The following SMOC2 variants were observed in gnomAD, a reference collection of about 807,000 sequenced individuals.
The protein encoded by SMOC2 is SPARC-related modular calcium-binding protein 2.
A neutral mutation model predicts 61.4 loss-of-function variants in SMOC2; 39 were observed. That is an observed-to-expected ratio of 0.64 (90% confidence interval 0.49 to 0.83). The LOEUF is 0.83. Ranked by LOEUF, SMOC2 falls within the 40% of genes least tolerant of loss-of-function variation. SMOC2 has a pLI of 0.00. For missense variants in SMOC2, 556 were observed against 592.9 expected, an observed-to-expected ratio of 0.94 and a Z score of 0.65; for synonymous variants, 247 against 239.9, an observed-to-expected ratio of 1.03 and a Z score of -0.27.
chr6:168,518,344 G>A (rs1342469868), intron 2 of SMOC2, among the ~76,000 whole-genome samples: 3 of 151,092 alleles, frequency 2.0e-5, no homozygotes, highest in South Asian at 2.1e-4. Context: ...CCTGAGGTGT[G>A]TGTGCGTGAG....
intron 1 of SMOC2, among the ~76,000 whole-genome samples, chr6:168,448,474 G>C (rs1038097190): frequency 6.7e-6 from 1 of 149,700 alleles, no homozygotes; most frequent in Admixed American, 6.7e-5. Flanking sequence ...AGATGGCAAG[G>C]AAGATGGGGA....
chr6:168,595,385 C>G (rs1396051964), intron 7 of SMOC2, among the ~76,000 whole-genome samples: 2 of 152,186 alleles, frequency 1.3e-5, no homozygotes, highest in African/African-American at 2.4e-5. Context: ...TTCACCCCTC[C>G]TTGTTCCCTC....
At chr6:168,648,939 G>GTGTGGT in intron 9 of SMOC2, among the ~76,000 whole-genome samples, 1 of 152,264 alleles carries the variant, frequency 6.6e-6, no homozygotes, top group East Asian at 1.9e-4. Flanking sequence ...TCCACACCAC[G>GTGTGGT]GCCACATGGT....
At position 168,575,446 on chromosome 6, in the gene SMOC2, G is replaced by T. The variant is rs567514938; in HGVS notation, c.638-23372G>T. ...AGCGCTTTACTGTAGTGGGTGGGGA[G>T]CCCCTGTGAGCAGGGTGTGGGGACC... On this transcript the variant is annotated intron_variant, in intron 7 of 12. Coordinates refer to ENST00000356284, the MANE Select transcript of SMOC2 (RefSeq NM_001166412.2). Among the ~76,000 whole-genome samples, 4 of 152,270 alleles carry T rather than the reference G, an allele frequency of 2.6e-5. No individual in the cohort carries two copies. The East Asian group carries it at 7.7e-4, about 29-fold the overall frequency.
At chr6:168,643,002 A>C (rs1305317835) in intron 9 of SMOC2, among the ~76,000 whole-genome samples, 4 of 152,188 alleles carry the variant, frequency 2.6e-5, no homozygotes, top group Non-Finnish European at 5.9e-5. Context: ...TGTGTTCCAC[A>C]TGTCCATCTC....
intron 1 of SMOC2, among the ~76,000 whole-genome samples, chr6:168,500,911 C>A (rs1489266507): frequency 1.3e-5 from 2 of 152,178 alleles, no homozygotes; most frequent in African/African-American, 4.8e-5. Context: ...GTGCCTGAGG[C>A]TGCATGAACC....
intron 11 of SMOC2, among the ~76,000 whole-genome samples, chr6:168,661,140 T>A (rs1256153857): frequency 1.3e-5 from 2 of 152,124 alleles, no homozygotes; most frequent in African/African-American, 4.8e-5. Flanking sequence ...CTTAAAAAAA[T>A]TCATTATCAG....
At chr6:168,629,226 G>T (rs1051540380) in intron 9 of SMOC2, among the ~76,000 whole-genome samples, 1 of 152,248 alleles carries the variant, frequency 6.6e-6, no homozygotes, top group Non-Finnish European at 1.5e-5. Context: ...CCTCACTCAA[G>T]CTGCAAGGTG....
intron 7 of SMOC2, among the ~76,000 whole-genome samples, chr6:168,576,409 GCA>G (rs1254780831): frequency 6.6e-6 from 1 of 152,136 alleles, no homozygotes; most frequent in Non-Finnish European, 1.5e-5. Context: ...CAGTCGGGCA[GCA>G]GATGGCTGAC....
At chr6:168,441,592 CGCCT>C in intron 1 of SMOC2, 138 bp downstream of exon 1, 1 of 1,223,838 alleles carries the variant, frequency 8.2e-7, no homozygotes, top group Non-Finnish European at 1.1e-6. Context: ...GTGGAGCCTT[CGCCT>C]GCCGGCGAGG....
rs527780697 is a variant in SMOC2 at position 168,644,943 on chromosome 6, C to T, written c.908-5738C>T. ...GGGATTACAGGCGTGAGCCACCAGA[C>T]CCACAAGTGAATGCCTACTTACAAG... On this transcript the variant is annotated intron_variant, in intron 9 of 12. Coordinates refer to ENST00000356284, the MANE Select transcript of SMOC2 (RefSeq NM_001166412.2). 4.6e-5 allele frequency among the ~76,000 whole-genome samples: 7 copies of T among 152,192 alleles called. No individual in the cohort carries two copies. In the South Asian group the frequency reaches 8.3e-4, roughly 18 times the overall value.
intron 9 of SMOC2, among the ~76,000 whole-genome samples, chr6:168,639,656 T>A (rs548088330): frequency 2.6e-5 from 4 of 152,248 alleles, no homozygotes; most frequent in Non-Finnish European, 4.4e-5. Context: ...GAGGAACTGT[T>A]CTTAAATGAA....
intron 9 of SMOC2, among the ~76,000 whole-genome samples, chr6:168,635,839 C>G (rs1399323686): frequency 1.3e-5 from 2 of 148,880 alleles, no homozygotes; most frequent in Non-Finnish European, 3.0e-5. Flanking sequence ...CCACTGCACT[C>G]CAGCCTGGGC....
intron 7 of SMOC2, among the ~76,000 whole-genome samples, chr6:168,565,714 C>G (rs1422608169): frequency 6.6e-6 from 1 of 152,150 alleles, no homozygotes; most frequent in Non-Finnish European, 1.5e-5. Context: ...TGAAACTGCC[C>G]CTGCTCTGTC....
At chr6:168,635,423 G>A (rs1031408936) in intron 9 of SMOC2, among the ~76,000 whole-genome samples, 26 of 151,414 alleles carry the variant, frequency 1.7e-4, no homozygotes, top group African/African-American at 1.5e-4. Context: ...CCGTGGCCCC[G>A]CGTGGGGCCA....
At chr6:168,591,355 C>T (rs9456227) in intron 7 of SMOC2, among the ~76,000 whole-genome samples, 5 of 152,128 alleles carry the variant, frequency 3.3e-5, no homozygotes, top group Non-Finnish European at 7.4e-5. Flanking sequence ...AATAGAACTA[C>T]CTATGAAAGA....
intron 9 of SMOC2, among the ~76,000 whole-genome samples, chr6:168,645,288 T>C (rs1786994115): frequency 6.6e-6 from 1 of 152,248 alleles, no homozygotes; most frequent in African/African-American, 2.4e-5. Context: ...TAAAAATGTA[T>C]TTCTTTTACC....
intron 7 of SMOC2, among the ~76,000 whole-genome samples, chr6:168,597,778 C>T (rs1785369104): frequency 2.6e-5 from 4 of 152,224 alleles, no homozygotes; most frequent in Admixed American, 2.6e-4. Flanking sequence ...CGTGTTCCTG[C>T]TGCAGCCAAC....
chr6:168,550,568 A>G lies in SMOC2; in HGVS notation c.637+1365A>G, dbSNP rs998288973. Reference sequence around the variant, plus strand: ...TGCCAGATGAGCTGGCACAGGTCCAATGTGTGATCTCTGCCCCATGATGCT... The same window carrying G: ...TGCCAGATGAGCTGGCACAGGTCCAGTGTGTGATCTCTGCCCCATGATGCT... On this transcript the variant is annotated intron_variant, in intron 7 of 12. Transcript: ENST00000356284. 5.3e-5 allele frequency among the ~76,000 whole-genome samples: 8 copies of G among 152,114 alleles called. No individual in the cohort carries two copies. The South Asian group carries it at 8.3e-4, about 16-fold the overall frequency.
Sources: gnomAD v4.1 joint callset for allele counts (sites outside exome capture counted in the v4.1 genomes callset) on GRCh38, gnomAD v4.1.1 for gene constraint, MANE v1.5 for transcripts, NCBI Gene and HGNC (gene_info 2026-07-23, HGNC 2026-07-21) for gene names.